Variants in RYR3 observed in about 807,000 individuals in gnomAD.
The protein encoded by RYR3 is ryanodine receptor 3.
Under a neutral mutation model 584.3 loss-of-function variants are expected in RYR3, and 207 were observed. The observed-to-expected ratio is 0.35, with a 90% CI of 0.32 to 0.40. The LOEUF (loss-of-function observed/expected upper bound fraction) is 0.40. Ranked by LOEUF, RYR3 falls within the 10% of genes least tolerant of loss-of-function variation. The pLI, the probability that RYR3 is intolerant of heterozygous loss-of-function variation, is 1.00. For missense variants in RYR3, 5,616 were observed against 6,089.2 expected, an observed-to-expected ratio of 0.92 and a Z score of 2.59; for synonymous variants, 2,416 against 2,248.5, an observed-to-expected ratio of 1.07 and a Z score of -2.11.
intron 42 of RYR3, among the ~76,000 whole-genome samples, chr15:33,702,010 G>A (rs73377326): frequency 0.08 from 12,115 of 152,206 alleles, 895 homozygotes; most frequent in African/African-American, 0.2. Flanking sequence ...CATACACTGT[G>A]CCAGGCTTTA....
chr15:33,438,651 T>G (rs1361776149), intron 1 of RYR3, among the ~76,000 whole-genome samples: 1 of 152,218 alleles, frequency 6.6e-6, no homozygotes, highest in African/African-American at 2.4e-5. Context: ...TGTATTGAAT[T>G]TATAGATTAA....
At chr15:33,759,207 A>G (rs11072651) in intron 60 of RYR3, among the ~76,000 whole-genome samples, 63,489 of 152,106 alleles carry the variant, frequency 0.42, 13,378 homozygotes, top group South Asian at 0.51. Flanking sequence ...CAAAAAGGCT[A>G]AAAAATTCCA....
chr15:33,716,874 CA>C (rs34280876), intron 43 of RYR3, among the ~76,000 whole-genome samples: 43,748 of 150,838 alleles, frequency 0.29, 7,863 homozygotes, highest in East Asian at 0.64. Flanking sequence ...CTGAATGAAA[CA>C]AAAAAAAAAT....
At chr15:33,631,411 G>A in intron 23 of RYR3, 118 bp downstream of exon 23, 1 of 621,966 alleles carries the variant, frequency 1.6e-6, no homozygotes, top group Admixed American at 2.9e-5. Context: ...CAGCTCAGAA[G>A]GGCTCCCCTG....
At chr15:33,638,244 G>A (rs1361822542) in intron 27 of RYR3, among the ~76,000 whole-genome samples, 1 of 152,206 alleles carries the variant, frequency 6.6e-6, no homozygotes, top group Non-Finnish European at 1.5e-5. Context: ...AGAGGCAAAG[G>A]AGAGGATTTC....
At chr15:33,324,923 T>G (rs1180403084) in intron 1 of RYR3, among the ~76,000 whole-genome samples, 2 of 152,216 alleles carry the variant, frequency 1.3e-5, no homozygotes, top group Admixed American at 6.5e-5. Context: ...GATGCCAGCT[T>G]GTGAAGACTG....
At chr15:33,361,361 G>A (rs1974743741) in intron 1 of RYR3, among the ~76,000 whole-genome samples, 1 of 152,184 alleles carries the variant, frequency 6.6e-6, no homozygotes, top group South Asian at 2.1e-4. Context: ...CATGAATACA[G>A]TTTTTATAAA....
intron 94 of RYR3, chr15:33,850,474 C>G (rs2079025489): frequency 6.7e-6 from 1 of 150,002 alleles, no homozygotes; most frequent in Admixed American, 6.6e-5. Flanking sequence ...AAGGTATTTC[C>G]CAATATTTTT....
chr15:33,731,779 A>G, intron 48 of RYR3, 85 bp downstream of exon 48: 1 of 923,898 alleles, frequency 1.1e-6, no homozygotes, highest in Non-Finnish European at 1.7e-6. Context: ...CTGGTGGTCT[A>G]GTCTAAGGAA....
At chr15:33,797,752 C>A (rs2075706070) in intron 67 of RYR3, among the ~76,000 whole-genome samples, 1 of 152,070 alleles carries the variant, frequency 6.6e-6, no homozygotes, top group Non-Finnish European at 1.5e-5. Flanking sequence ...TGTTCCTTGG[C>A]TAGATAGGAT....
At chr15:33,358,655 T>TAAAGAAAAA (rs1974319128) in intron 1 of RYR3, among the ~76,000 whole-genome samples, 1 of 135,778 alleles carries the variant, frequency 7.4e-6, no homozygotes. Context: ...GTGGTATCGT[T>TAAAGAAAAA]AAAAAAAAAA....
chr15:33,696,835 TCTTCCGAAA>T (rs1356780754), intron 39 of RYR3, among the ~76,000 whole-genome samples: 3 of 152,172 alleles, frequency 2.0e-5, no homozygotes, highest in Admixed American at 1.3e-4. Flanking sequence ...TGACTCGAAA[TCTTCCGAAA>T]CTTCCCTCTG....
intron 52 of RYR3, 78 bp from the exon 53 acceptor site, chr15:33,745,990 A>G (rs1011684599): frequency 5.4e-6 from 5 of 933,734 alleles, no homozygotes; most frequent in Admixed American, 4.0e-5. Flanking sequence ...TGCTCCATGA[A>G]AATAGAAGCA....
intron 2 of RYR3, among the ~76,000 whole-genome samples, chr15:33,475,233 A>C (rs985362496): frequency 1.3e-5 from 2 of 152,166 alleles, no homozygotes; most frequent in African/African-American, 4.8e-5. Flanking sequence ...TCCAATGGGA[A>C]GTGTGTTGAC....
chr15:33,412,251 C>T lies in RYR3; in HGVS notation c.52-61168C>T, dbSNP rs1191873754. Among the ~76,000 whole-genome samples, 1 of 152,104 alleles carries T rather than the reference C, an allele frequency of 6.6e-6. No homozygotes were observed. Among genetic ancestry groups the T allele is most frequent in the African/African-American group, 2.4e-5 (1 of 41,424 alleles). On this transcript the variant is annotated intron_variant, in intron 1 of 103. Coordinates refer to ENST00000634891, the MANE Select transcript of RYR3 (RefSeq NM_001036.6). The surrounding 1 kb of genome is among the most constrained non-coding windows in gnomAD (Gnocchi z 4.3). ...GCCATGCAGCTTTTCAATTTAGTAA[C>T]CCCTTTGGCTTGAGGCTGGGAAGGC...
At chr15:33,452,123 G>T (rs576485475) in intron 1 of RYR3, among the ~76,000 whole-genome samples, 13 of 152,338 alleles carry the variant, frequency 8.5e-5, no homozygotes, top group Non-Finnish European at 1.2e-4. Context: ...ATTAAAATTG[G>T]TTCCAAAGGC....
intron 69 of RYR3, among the ~76,000 whole-genome samples, chr15:33,804,626 C>T (rs2076086762): frequency 6.6e-6 from 1 of 152,130 alleles, no homozygotes; most frequent in African/African-American, 2.4e-5. Flanking sequence ...AAAAAGATAC[C>T]ATGCCTCCGA....
intron 65 of RYR3, among the ~76,000 whole-genome samples, chr15:33,782,889 A>G (rs1299493550): frequency 6.6e-6 from 1 of 152,242 alleles, no homozygotes; most frequent in African/African-American, 2.4e-5. Context: ...TCAGTTATTC[A>G]AAACTAGTTA....
At chr15:33,348,911 C>T (rs932826119) in intron 1 of RYR3, among the ~76,000 whole-genome samples, 6 of 152,086 alleles carry the variant, frequency 3.9e-5, no homozygotes, top group African/African-American at 1.4e-4. Context: ...TAAAAATCCC[C>T]TGTGTTTTAT....
Sources: gnomAD v4.1 joint callset for allele counts (sites outside exome capture counted in the v4.1 genomes callset) on GRCh38, gnomAD v4.1.1 for gene constraint, Gnocchi (gnomAD v3.1) non-coding constraint, MANE v1.5 for transcripts, NCBI Gene and HGNC (gene_info 2026-07-23, HGNC 2026-07-21) for gene names.